Variants in PCF11 observed in about 807,000 individuals in gnomAD.
PCF11 encodes the protein PCF11 cleavage and polyadenylation factor subunit.
Under a neutral mutation model 166.1 loss-of-function variants are expected in PCF11, and 19 were observed. The observed-to-expected ratio is 0.11, with a 90% CI of 0.08 to 0.17. The LOEUF is 0.17. PCF11 is among the 10% of genes least tolerant of loss of function. PCF11 has a pLI of 1.00. For missense variants in PCF11, 1,565 were observed against 1,855.5 expected (o/e 0.84, Z 2.88); for synonymous variants, 663 against 644.1 (o/e 1.03, Z -0.44).
intron 15 of PCF11, chr11:83,184,387 C>G (rs1421974913): frequency 3.2e-6 from 1 of 312,390 alleles, no homozygotes; most frequent in Non-Finnish European, 5.9e-6. Context: ...AGTTTAACAT[C>G]TATGTAGAGA....
chr11:83,177,350 T>C (rs978574002), intron 10 of PCF11, 146 bp downstream of exon 10: 1 of 655,586 alleles, frequency 1.5e-6, no homozygotes. Flanking sequence ...TTTCGGTTTA[T>C]AATGAAATTC....
At chr11:83,179,873 G>A (rs1412945000) in intron 11 of PCF11, among the ~76,000 whole-genome samples, 1 of 151,920 alleles carries the variant, frequency 6.6e-6, no homozygotes, top group African/African-American at 2.4e-5. Context: ...AGCTGAGATC[G>A]GGCCACTGCA....
At chr11:83,157,249 C>T (rs1014858109) in exon 1 of PCF11, 2 of 597,784 alleles carry the variant, frequency 3.3e-6, no homozygotes, top group African/African-American at 3.7e-5. Flanking sequence ...CGGAGATCAC[C>T]CGCGAGACGG....
intron 3 of PCF11, 107 bp from the exon 4 acceptor site, chr11:83,164,100 G>T: frequency 1.4e-6 from 1 of 719,306 alleles, no homozygotes; most frequent in Non-Finnish European, 2.2e-6. Context: ...TAAGTTTTCT[G>T]TGTGATAGGA....
exon 8 of PCF11, chr11:83,169,087 G>C: frequency 6.2e-7 from 1 of 1,613,770 alleles, no homozygotes; most frequent in Non-Finnish European, 8.5e-7. Flanking sequence ...ACTTAGATTT[G>C]AGGGGGGTCA....
chr11:83,181,805 A>C, intron 12 of PCF11, 49 bp from the exon 13 acceptor site: 1 of 1,407,770 alleles, frequency 7.1e-7, no homozygotes, highest in Non-Finnish European at 9.6e-7. Context: ...TACACAGTAA[A>C]AATTTAGAAA....
Position 83,177,095 on chromosome 11 carries a change from TA to T in PCF11, c.3770del (p.Lys1257ArgfsTer13). ...TCTTTTTTTTGTTAGGAGCCCTCCC[TA>T]AGGCATATCCTGATAATCATCTCAG... On this transcript the variant is annotated frameshift_variant, in exon 10 of 16. Transcript: ENST00000298281. LOFTEE classifies it high-confidence loss of function. The T allele has an allele frequency of 6.5e-7, 1 of 1,529,854 alleles. No individual in the cohort carries two copies. Among genetic ancestry groups the T allele is most frequent in the Admixed American group, 2.2e-5 (1 of 45,706 alleles). 94.8% of individuals were successfully genotyped at this position (1,529,854 alleles called of 1,614,324 possible). A position where few individuals can be genotyped will look rare whatever the true frequency, so the allele number is the denominator to read the frequency against.
exon 1 of PCF11, chr11:83,157,175 C>A: frequency 5.2e-6 from 3 of 574,242 alleles, no homozygotes; most frequent in Non-Finnish European, 9.3e-6. Context: ...GGAGCTGGAG[C>A]CGCCACTGCC....
Position 83,182,381 on chromosome 11 carries a change from T to G in PCF11, c.4324-18T>G. On this transcript the variant is annotated intron_variant, in intron 13 of 15. Transcript: ENST00000298281. ...ATGGTCTATTATGTAAATTTCATTTTATATGATTCTATTTTAGAGTTGTGA... is the reference window on the plus strand; with the variant it reads ...ATGGTCTATTATGTAAATTTCATTTGATATGATTCTATTTTAGAGTTGTGA... 7.8e-7 allele frequency: 1 copy of G among 1,284,602 alleles called. No individual in the cohort carries two copies. The highest frequency in any genetic ancestry group is 1.1e-6 in the Non-Finnish European group (1 of 889,880). The allele number at this position is 1,284,602 out of a possible 1,614,324, so 79.6% of individuals were successfully genotyped here.
At chr11:83,182,926 AT>A (rs1861132785) in intron 14 of PCF11, 111 bp from the exon 15 acceptor site, 11 of 738,096 alleles carry the variant, frequency 1.5e-5, no homozygotes, top group Non-Finnish European at 2.5e-5. Flanking sequence ...GGACCAAATA[AT>A]TTTTGTCTTC....
exon 8 of PCF11, chr11:83,168,519 T>G (rs1233068640): frequency 6.2e-7 from 1 of 1,614,028 alleles, no homozygotes; most frequent in East Asian, 2.2e-5. Flanking sequence ...TTGTAGATAG[T>G]CCAGCATCAA....
At chr11:83,162,015 A>G (rs1303865232) in intron 2 of PCF11, among the ~76,000 whole-genome samples, 1 of 152,214 alleles carries the variant, frequency 6.6e-6, no homozygotes, top group Non-Finnish European at 1.5e-5. Flanking sequence ...TTATTCTGGA[A>G]ATACTTTTGC....
At position 83,166,368 on chromosome 11, in the gene PCF11, A is replaced by G. The variant is rs781613381; in HGVS notation, c.1471A>G (p.Ile491Val). The G allele has an allele frequency of 5.0e-6, 8 of 1,613,906 alleles. No homozygotes were observed. The highest frequency in any genetic ancestry group is 2.7e-5 in the African/African-American group (2 of 74,946). ...TCGATCACCCAAGTCTAGGTCACCA[A>G]TTATACATTCCCCAAAGAGAAGAGA... The change falls in exon 5 of 16, where the codon ATT becomes GTT. Residue 491 changes from isoleucine to valine, a missense_variant. By Grantham distance (29) the Ile-to-Val change is conservative (BLOSUM62 3). Coordinates refer to ENST00000298281, the Ensembl canonical transcript of PCF11.
chr11:83,181,225 A>G (rs774246962), intron 12 of PCF11, 34 bp downstream of exon 12: 1 of 1,080,260 alleles, frequency 9.3e-7, no homozygotes, highest in South Asian at 2.0e-5. Flanking sequence ...AGTATCTTTT[A>G]GGCTTAAATT....
chr11:83,181,262 T>C, intron 12 of PCF11, 71 bp downstream of exon 12: 1 of 487,920 alleles, frequency 2.0e-6, no homozygotes, highest in Non-Finnish European at 3.2e-6. Context: ...ATATTAATTT[T>C]AATAATTATT....
intron 2 of PCF11, 39 bp from the exon 3 acceptor site, chr11:83,163,640 A>T: frequency 1.4e-6 from 1 of 732,126 alleles, no homozygotes; most frequent in African/African-American, 1.8e-5. Flanking sequence ...AATATTCTAT[A>T]GTAACTTAAC....
intron 9 of PCF11, among the ~76,000 whole-genome samples, chr11:83,172,712 G>A (rs139453454): frequency 1.1e-3 from 167 of 152,262 alleles, no homozygotes; most frequent in African/African-American, 3.8e-3. Flanking sequence ...CACCATGCCC[G>A]GCAAAATGAA....
In PCF11 at chr11:83,167,577, T is replaced by C; in HGVS notation, c.2092+72T>C. ...AGGTGGATTAAAAAAGAAACCTCTC[T>C]TATCTGATGCTGAATTAACCTACTA... is the stretch of plus-strand genomic sequence containing the variant. On this transcript the variant is annotated intron_variant, in intron 7 of 15. Coordinates refer to ENST00000298281, the Ensembl canonical transcript of PCF11. This position sits in a 1 kb window ranked among gnomAD's most constrained non-coding sequence, Gnocchi z 4.2. 6.4e-7 allele frequency: 1 copy of C among 1,555,818 alleles called. No homozygotes were observed. The highest frequency in any genetic ancestry group is 8.7e-7 in the Non-Finnish European group (1 of 1,150,186).
chr11:83,169,310 G>A, exon 8 of PCF11: 1 of 1,611,972 alleles, frequency 6.2e-7, no homozygotes, highest in Non-Finnish European at 8.5e-7. Flanking sequence ...CCAGGGGTTG[G>A]TATCAGGTTT....
Sources: allele counts gnomAD v4.1 joint callset (sites outside exome capture counted in the v4.1 genomes callset), GRCh38; gene constraint gnomAD v4.1.1; non-coding constraint Gnocchi (gnomAD v3.1); transcripts MANE v1.5; gene names NCBI Gene and HGNC (gene_info 2026-07-23, HGNC 2026-07-21).